PTPRD: variants seen among roughly 807,000 people sequenced by gnomAD.
The protein encoded by PTPRD is receptor-type tyrosine-protein phosphatase delta.
A neutral mutation model predicts 214.5 loss-of-function variants in PTPRD; 34 were observed. The ratio of observed to expected loss-of-function variants is 0.16; its 90% confidence interval spans 0.12 to 0.21. The LOEUF is 0.21. Among genes scored for constraint, PTPRD ranks in the 10% least tolerant of loss-of-function variants. The pLI is 1.00. For synonymous variants in PTPRD, 1,128 were observed against 845.7 expected (o/e 1.33, Z -5.79); for missense variants, 2,545 against 2,398.7 (o/e 1.06, Z -1.27).
chr9:8,953,218 A>G (rs1411527372), intron 11 of PTPRD, among the ~76,000 whole-genome samples: 1 of 151,890 alleles, frequency 6.6e-6, no homozygotes, highest in Non-Finnish European at 1.5e-5. Context: ...AGAAAGGTAT[A>G]TCCCAGGAGA....
rs560752070 is a variant in PTPRD, at chr9:10,463,101, C to A, written c.-599-122084G>T. Among the ~76,000 whole-genome samples, 195 of 151,588 alleles carry A rather than the reference C, an allele frequency of 1.3e-3. No individual in the cohort carries two copies. The Middle Eastern group carries it at 0.014, about 11-fold the overall frequency. ...CTAAATTTTGATGATGTATGTAATG[C>A]CTACTATATGTTGAGTTGAAAATGG... On this transcript the variant is annotated intron_variant, in intron 2 of 45. Coordinates refer to ENST00000381196, the MANE Select transcript of PTPRD (RefSeq NM_002839.4).
intron 11 of PTPRD, among the ~76,000 whole-genome samples, chr9:8,790,470 T>G (rs1319982072): frequency 3.9e-5 from 6 of 152,152 alleles, no homozygotes; most frequent in Admixed American, 3.3e-4. Context: ...CAGGCTGTAG[T>G]GCAGTGGTGC....
chr9:10,418,732 G>T (rs1241239532), intron 2 of PTPRD, among the ~76,000 whole-genome samples: 3 of 151,568 alleles, frequency 2.0e-5, no homozygotes, highest in Non-Finnish European at 2.9e-5. Context: ...AATAATAATT[G>T]CAGAAAAAGA....
chr9:9,515,784 G>C (rs2096823319), intron 8 of PTPRD, among the ~76,000 whole-genome samples: 2 of 151,982 alleles, frequency 1.3e-5, no homozygotes. Flanking sequence ...AGTATGGTGA[G>C]ATAAAGGTGA....
chr9:10,432,599 T>A (rs548289711), intron 2 of PTPRD, among the ~76,000 whole-genome samples: 1 of 152,070 alleles, frequency 6.6e-6, no homozygotes, highest in African/African-American at 2.4e-5. Flanking sequence ...ACTTCTTAGA[T>A]CAGAAGTGGA....
At chr9:10,097,462 T>C (rs1411355139) in intron 3 of PTPRD, among the ~76,000 whole-genome samples, 1 of 151,442 alleles carries the variant, frequency 6.6e-6, no homozygotes, top group Admixed American at 6.6e-5. Flanking sequence ...ACATCCCTTG[T>C]AAGTTGAATT....
At chr9:9,692,741 T>C (rs1303575916) in intron 7 of PTPRD, among the ~76,000 whole-genome samples, 1 of 152,022 alleles carries the variant, frequency 6.6e-6, no homozygotes, top group Admixed American at 6.6e-5. Flanking sequence ...TCAACAATAC[T>C]GATTCTTCCA....
At chr9:9,692,301 G>A (rs570337151) in intron 7 of PTPRD, among the ~76,000 whole-genome samples, 3 of 151,874 alleles carry the variant, frequency 2.0e-5, no homozygotes, top group Non-Finnish European at 4.4e-5. Flanking sequence ...TTTGATTGGT[G>A]TATAAAGCAA....
chr9:9,947,902 A>G (rs577496345), intron 4 of PTPRD, among the ~76,000 whole-genome samples: 1 of 151,590 alleles, frequency 6.6e-6, no homozygotes, highest in African/African-American at 2.4e-5. Context: ...GAATCAAGAA[A>G]GACAGCCTTA....
chr9:9,239,496 G>C (rs940301910), intron 9 of PTPRD, among the ~76,000 whole-genome samples: 1 of 152,058 alleles, frequency 6.6e-6, no homozygotes, highest in Admixed American at 6.6e-5. Context: ...AGTCATGAGA[G>C]CAAGAAAAAA....
chr9:8,433,218 C>G lies in PTPRD; in HGVS notation c.4086+3374G>C, dbSNP rs1315347853. Among the ~76,000 whole-genome samples, 3 of 152,318 alleles carry G rather than the reference C, an allele frequency of 2.0e-5. No homozygotes were observed. In the East Asian group the frequency reaches 5.8e-4, roughly 29 times the overall value. ...TGGTAGCTGTCGTAACGTCCTAGCA[C>G]AGTGCATTACTCCTGTGGTTGCAGA... On this transcript the variant is annotated intron_variant, in intron 35 of 45. Transcript: ENST00000381196.
At chr9:9,315,026 C>G (rs1008040370) in intron 9 of PTPRD, among the ~76,000 whole-genome samples, 1 of 152,064 alleles carries the variant, frequency 6.6e-6, no homozygotes, top group African/African-American at 2.4e-5. Context: ...ATACAACTCA[C>G]CTAGATTTTA....
intron 12 of PTPRD, among the ~76,000 whole-genome samples, chr9:8,726,444 C>T (rs1157643190): frequency 6.7e-6 from 1 of 148,996 alleles, no homozygotes; most frequent in Non-Finnish European, 1.5e-5. Flanking sequence ...AAAAATTAGC[C>T]AAGAAGGCCG....
At chr9:9,423,859 T>C (rs1044415796) in intron 8 of PTPRD, among the ~76,000 whole-genome samples, 6 of 152,028 alleles carry the variant, frequency 3.9e-5, no homozygotes, top group Non-Finnish European at 8.8e-5. Flanking sequence ...GAATAAATAA[T>C]GCAGAAAAAA....
intron 12 of PTPRD, among the ~76,000 whole-genome samples, chr9:8,676,013 C>T (rs1596645903): frequency 6.6e-6 from 1 of 152,190 alleles, no homozygotes; most frequent in African/African-American, 2.4e-5. Flanking sequence ...TGAGCCCCGT[C>T]GTTCTATCCC....
intron 43 of PTPRD, among the ~76,000 whole-genome samples, chr9:8,337,668 A>G (rs957612731): frequency 1.2e-4 from 18 of 152,178 alleles, no homozygotes; most frequent in Non-Finnish European, 8.8e-5. Context: ...CTTTAAAAAA[A>G]AAAAGGTGAG....
At chr9:9,301,790 T>C (rs1303770003) in intron 9 of PTPRD, among the ~76,000 whole-genome samples, 1 of 151,824 alleles carries the variant, frequency 6.6e-6, no homozygotes, top group Non-Finnish European at 1.5e-5. Context: ...CTGTAATGGG[T>C]CCTAAAAACT....
chr9:8,823,303 C>T (rs1326045765), intron 11 of PTPRD, among the ~76,000 whole-genome samples: 3 of 152,132 alleles, frequency 2.0e-5, no homozygotes, highest in African/African-American at 7.2e-5. Flanking sequence ...GCTTTAATTG[C>T]CATCTTTGGT....
chr9:10,283,434 C>T (rs1449718385), intron 3 of PTPRD, among the ~76,000 whole-genome samples: 1 of 152,160 alleles, frequency 6.6e-6, no homozygotes, highest in Non-Finnish European at 1.5e-5. Flanking sequence ...GATAAGAATT[C>T]AATAAATATT....
Sources: allele counts gnomAD v4.1 joint callset (sites outside exome capture counted in the v4.1 genomes callset), GRCh38; gene constraint gnomAD v4.1.1; transcripts MANE v1.5; gene names NCBI Gene and HGNC (gene_info 2026-07-23, HGNC 2026-07-21).